GLRA3: variants seen among roughly 807,000 people sequenced by gnomAD.
The protein encoded by GLRA3 is glycine receptor subunit alpha-3.
A neutral mutation model predicts 60.4 loss-of-function variants in GLRA3; 44 were observed. The observed-to-expected ratio is 0.73, with a 90% CI of 0.57 to 0.94. The LOEUF (loss-of-function observed/expected upper bound fraction) is 0.94. GLRA3 is among the 40% of genes least tolerant of loss of function. GLRA3 has a pLI of 0.00. For synonymous variants in GLRA3, 223 were observed against 192.9 expected, an observed-to-expected ratio of 1.16 and a Z score of -1.29; for missense variants, 508 against 564.6, an observed-to-expected ratio of 0.90 and a Z score of 1.02.
intron 5 of GLRA3, among the ~76,000 whole-genome samples, chr4:174,699,191 A>T (rs12641804): frequency 6.6e-6 from 1 of 151,418 alleles, no homozygotes; most frequent in Admixed American, 6.6e-5. Flanking sequence ...TAGTAGAGAC[A>T]GGGTTTCACC....
chr4:174,709,725 A>C (rs1735641954), intron 5 of GLRA3, among the ~76,000 whole-genome samples: 1 of 152,050 alleles, frequency 6.6e-6, no homozygotes, highest in Non-Finnish European at 1.5e-5. Context: ...ATAATTTGAT[A>C]AGGGAAACAT....
chr4:174,765,016 T>C (rs941061730), intron 3 of GLRA3, among the ~76,000 whole-genome samples: 2 of 152,064 alleles, frequency 1.3e-5, no homozygotes, highest in African/African-American at 4.8e-5. Context: ...TGCTTGAGAC[T>C]GTGAAGAAGT....
intron 3 of GLRA3, among the ~76,000 whole-genome samples, chr4:174,761,818 G>C (rs777408808): frequency 1.3e-5 from 2 of 152,144 alleles, no homozygotes; most frequent in Non-Finnish European, 2.9e-5. Flanking sequence ...ACATGAATGT[G>C]TGCACTTTGT....
At chr4:174,651,777 C>A (rs921736738) in intron 9 of GLRA3, among the ~76,000 whole-genome samples, 1 of 152,136 alleles carries the variant, frequency 6.6e-6, no homozygotes, top group African/African-American at 2.4e-5. Context: ...GAATTCCTTG[C>A]AAATCTAATT....
At chr4:174,723,512 A>T (rs1736206989) in intron 4 of GLRA3, among the ~76,000 whole-genome samples, 1 of 152,098 alleles carries the variant, frequency 6.6e-6, no homozygotes, top group Non-Finnish European at 1.5e-5. Flanking sequence ...CATGTTGATA[A>T]TCATGTAAGA....
At chr4:174,689,189 A>G (rs1007663875) in intron 5 of GLRA3, among the ~76,000 whole-genome samples, 13 of 152,224 alleles carry the variant, frequency 8.5e-5, no homozygotes, top group Non-Finnish European at 1.2e-4. Context: ...ATAAAACAAT[A>G]AGAAGCATTT....
chr4:174,742,144 A>G (rs6853312), intron 3 of GLRA3, among the ~76,000 whole-genome samples: 30,123 of 152,100 alleles, frequency 0.2, 4,395 homozygotes, highest in African/African-American at 0.41. Flanking sequence ...TTAAAATTTT[A>G]AGAAATCTTA....
intron 1 of GLRA3, among the ~76,000 whole-genome samples, chr4:174,809,156 A>G (rs564099914): frequency 6.6e-6 from 1 of 152,212 alleles, no homozygotes; most frequent in African/African-American, 2.4e-5. Flanking sequence ...TTACTGTATC[A>G]TTTCTATGTT....
chr4:174,721,697 ATATATATC>A (rs1289134784), intron 4 of GLRA3, among the ~76,000 whole-genome samples: 1 of 151,454 alleles, frequency 6.6e-6, no homozygotes, highest in Non-Finnish European at 1.5e-5. Flanking sequence ...TTCCAGATAC[ATATATATC>A]TATATATCTA....
chr4:174,751,329 T>G lies in GLRA3; in HGVS notation c.267+15634A>C, dbSNP rs1352249924. Among the ~76,000 whole-genome samples, 5 of 152,044 alleles carry G rather than the reference T, an allele frequency of 3.3e-5. No individual in the cohort carries two copies. In the South Asian group the frequency reaches 1.0e-3, roughly 32 times the overall value. The stretch of plus-strand genomic sequence containing the variant: ...TTTTATCAAATAATGAAAGACAGGA[T>G]GCAACAATCATTTTATGAGTGAAAT... On this transcript the variant is annotated intron_variant, in intron 3 of 9. Transcript: ENST00000274093.
intron 9 of GLRA3, among the ~76,000 whole-genome samples, chr4:174,646,654 T>G (rs1379677640): frequency 3.3e-5 from 5 of 152,196 alleles, no homozygotes. Context: ...CAGCTGTACC[T>G]ATGTGTCCTG....
chr4:174,692,037 G>A (rs1319939374), intron 5 of GLRA3, among the ~76,000 whole-genome samples: 149 of 151,520 alleles, frequency 9.8e-4, no homozygotes, highest in Middle Eastern at 6.8e-3. Context: ...GCCTCTACCC[G>A]GCCACCACCC....
chr4:174,688,319 A>T (rs1408727373), intron 5 of GLRA3, among the ~76,000 whole-genome samples: 2 of 4,820 alleles, frequency 4.1e-4, no homozygotes, highest in Admixed American at 3.3e-3. Flanking sequence ...ACCTGACATC[A>T]TATATATATA....
chr4:174,769,218 C>G (rs1169898642), intron 2 of GLRA3, among the ~76,000 whole-genome samples: 1 of 151,962 alleles, frequency 6.6e-6, no homozygotes, highest in African/African-American at 2.4e-5. Context: ...AAAGATTTAG[C>G]CTTTTTTCAT....
chr4:174,728,033 C>T (rs967795098), intron 4 of GLRA3, among the ~76,000 whole-genome samples: 12 of 151,976 alleles, frequency 7.9e-5, no homozygotes, highest in Non-Finnish European at 1.6e-4. Flanking sequence ...ACCAGAGAAG[C>T]TCAAGGATAT....
At chr4:174,743,422 T>C (rs1181180915) in intron 3 of GLRA3, among the ~76,000 whole-genome samples, 1 of 152,294 alleles carries the variant, frequency 6.6e-6, no homozygotes, top group Middle Eastern at 3.4e-3. Flanking sequence ...TTTCTGTCTT[T>C]CATATCCTTA....
Position 174,696,482 on chromosome 4 carries a change from T to C in GLRA3, c.575-13543A>G, listed in dbSNP as rs999408929. Among the ~76,000 whole-genome samples the C allele has an allele frequency of 5.4e-5, 8 of 148,784 alleles. No individual in the cohort carries two copies. In the Admixed American group the frequency reaches 5.4e-4, roughly 10 times the overall value. ...TATAATACAATACAATATAATTTAA[T>C]ATAATATAATAATATTATAAAAATG... is the stretch of plus-strand genomic sequence containing the variant. On this transcript the variant is annotated intron_variant, in intron 5 of 9. Transcript: ENST00000274093.
At chr4:174,712,082 C>T (rs1735738203) in intron 5 of GLRA3, among the ~76,000 whole-genome samples, 1 of 151,648 alleles carries the variant, frequency 6.6e-6, no homozygotes, top group African/African-American at 2.4e-5. Flanking sequence ...CTGGATTTTC[C>T]TTGCATAAGC....
intron 1 of GLRA3, among the ~76,000 whole-genome samples, chr4:174,818,476 T>G (rs1317912533): frequency 6.6e-6 from 1 of 152,174 alleles, no homozygotes; most frequent in East Asian, 1.9e-4. Flanking sequence ...GGGAAATATT[T>G]AGGCTACACA....
Sources: allele counts gnomAD v4.1 joint callset (sites outside exome capture counted in the v4.1 genomes callset), GRCh38; gene constraint gnomAD v4.1.1; transcripts MANE v1.5; gene names NCBI Gene and HGNC (gene_info 2026-07-23, HGNC 2026-07-21).